DIAPH2: variants seen among roughly 807,000 people sequenced by gnomAD.
The protein encoded by DIAPH2 is protein diaphanous homolog 2.
Under a neutral mutation model 92.7 loss-of-function variants are expected in DIAPH2, and 35 were observed. The observed-to-expected ratio is 0.38, with a 90% CI of 0.29 to 0.50. The LOEUF (loss-of-function observed/expected upper bound fraction) is 0.50, where lower values mean the gene tolerates loss of function less well. Among genes scored for constraint, DIAPH2 ranks in the 20% least tolerant of loss-of-function variants. The pLI is 0.94. For missense variants in DIAPH2, 701 were observed against 819.5 expected (o/e 0.86, Z 1.77); for synonymous variants, 301 against 280.4 (o/e 1.07, Z -0.73).
chrX:97,341,746 AAGAG>A (rs905419383), intron 23 of DIAPH2, among the ~76,000 whole-genome samples: 3 of 111,015 alleles, frequency 2.7e-5, no homozygotes, highest in East Asian at 2.8e-4. Flanking sequence ...TCAGCTCCAG[AAGAG>A]AGAGAGAGCA....
chrX:97,300,926 C>T (rs1289414018), intron 23 of DIAPH2, among the ~76,000 whole-genome samples: 2 of 19,874 alleles, frequency 1.0e-4, no homozygotes, highest in African/African-American at 1.6e-4. Context: ...AGCAAGACTC[C>T]GTCTTAAAAA....
intron 23 of DIAPH2, among the ~76,000 whole-genome samples, chrX:97,276,334 T>A (rs751680960): frequency 4.1e-4 from 46 of 111,844 alleles, no homozygotes; most frequent in East Asian, 1.4e-3. Flanking sequence ...AACTTTTTTT[T>A]AATTTTTATT....
At chrX:97,171,708 C>T (rs970743435) in intron 22 of DIAPH2, among the ~76,000 whole-genome samples, 3 of 111,593 alleles carry the variant, frequency 2.7e-5, no homozygotes, top group Non-Finnish European at 5.6e-5. Context: ...TGGGAGGCCG[C>T]GACGGGCGGA....
intron 1 of DIAPH2, among the ~76,000 whole-genome samples, chrX:96,727,091 T>C (rs1200833161): frequency 8.9e-6 from 1 of 112,335 alleles, no homozygotes; most frequent in African/African-American, 3.2e-5. Context: ...ACTCTTTATT[T>C]ATCCTGTTTT....
In DIAPH2 at chrX:97,465,273, C is replaced by CCA. The variant is rs765899834; in HGVS notation, c.3241+35548_3241+35549dup. Among the ~76,000 whole-genome samples, 261 of 106,779 alleles carry CCA rather than the reference C, an allele frequency of 2.4e-3. 1 individual carries two copies. The highest frequency in any genetic ancestry group is 4.9e-3 in the Middle Eastern group (1 of 206). The allele number at this position is 106,779 out of a possible 115,157, so 92.7% of individuals were successfully genotyped here. On this transcript the variant is annotated intron_variant, in intron 26 of 26. Transcript: ENST00000324765. The stretch of plus-strand genomic sequence containing the variant: ...TATCCTGTCTTGCTTTAGAATTCAC[C>CCA]CACACACACACACACACACACGTTT...
At chrX:97,514,271 T>C (rs1429524204) in intron 26 of DIAPH2, among the ~76,000 whole-genome samples, 12 of 112,159 alleles carry the variant, frequency 1.1e-4, no homozygotes, top group Middle Eastern at 4.6e-3. Flanking sequence ...CATCTTCCAT[T>C]GCTGATACCC....
intron 1 of DIAPH2, among the ~76,000 whole-genome samples, chrX:96,720,333 A>G (rs1198807993): frequency 9.0e-6 from 1 of 111,274 alleles, no homozygotes; most frequent in African/African-American, 3.3e-5. Context: ...TCAGGCACAT[A>G]TTGTATTTTT....
At position 96,808,467 on chromosome X, in the gene DIAPH2, G is replaced by A. The variant is rs1306750583; in HGVS notation, c.447+50209G>A. Among the ~76,000 whole-genome samples the A allele has an allele frequency of 3.6e-5, 4 of 111,599 alleles. No individual in the cohort carries two copies. In the East Asian group the frequency reaches 1.1e-3, roughly 31 times the overall value. ...TATTTTGAATATATCTGCAAAGCTG[G>A]TTTAAATCTTGCTTAAAATTTTATG... On this transcript the variant is annotated intron_variant, in intron 4 of 26. Coordinates refer to ENST00000324765, the MANE Select transcript of DIAPH2 (RefSeq NM_006729.5).
chrX:96,862,850 A>C (rs756338225), intron 4 of DIAPH2, among the ~76,000 whole-genome samples: 47 of 111,477 alleles, frequency 4.2e-4, no homozygotes, highest in Non-Finnish European at 8.5e-4. Context: ...TGGACTGTAA[A>C]CTTTTAAGGC....
chrX:96,696,162 G>T (rs773726302), intron 1 of DIAPH2, among the ~76,000 whole-genome samples: 1 of 111,732 alleles, frequency 8.9e-6, no homozygotes, highest in African/African-American at 3.3e-5. Flanking sequence ...CAGGAGGATT[G>T]CTTGAGCCCA....
chrX:96,724,302 T>C (rs1458589632), intron 1 of DIAPH2, among the ~76,000 whole-genome samples: 1 of 111,895 alleles, frequency 8.9e-6, no homozygotes, highest in East Asian at 2.8e-4. Flanking sequence ...GTCAGCTTCA[T>C]AGTAACATTT....
chrX:97,093,190 A>G (rs2066838938), intron 19 of DIAPH2, among the ~76,000 whole-genome samples: 1 of 104,128 alleles, frequency 9.6e-6, no homozygotes, highest in African/African-American at 3.5e-5. Flanking sequence ...TGTGAAAAAA[A>G]GAAAAAGAAA....
chrX:96,717,148 T>G (rs2063954567), intron 1 of DIAPH2, among the ~76,000 whole-genome samples: 1 of 112,390 alleles, frequency 8.9e-6, no homozygotes, highest in Non-Finnish European at 1.9e-5. Flanking sequence ...GTAGAAATCT[T>G]TTGGTTTTGA....
At chrX:97,565,216 C>T (rs978229160) in intron 26 of DIAPH2, among the ~76,000 whole-genome samples, 1 of 111,687 alleles carries the variant, frequency 9.0e-6, no homozygotes, top group African/African-American at 3.3e-5. Context: ...TTATTAACTA[C>T]ATGATCTTAT....
intron 17 of DIAPH2, among the ~76,000 whole-genome samples, chrX:97,005,420 C>A (rs752029234): frequency 2.9e-4 from 32 of 109,362 alleles, no homozygotes; most frequent in Non-Finnish European, 5.1e-4. Context: ...AACCGTCTCT[C>A]GGATTTCTTT....
At chrX:97,088,195 C>T (rs1389179433) in intron 19 of DIAPH2, among the ~76,000 whole-genome samples, 2 of 111,937 alleles carry the variant, frequency 1.8e-5, no homozygotes, top group East Asian at 2.8e-4. Flanking sequence ...CTGTGCATTA[C>T]GTTACTTACA....
At chrX:96,695,791 A>G (rs1181658407) in intron 1 of DIAPH2, among the ~76,000 whole-genome samples, 1 of 111,637 alleles carries the variant, frequency 9.0e-6, no homozygotes, top group African/African-American at 3.3e-5. Flanking sequence ...TCAATGGTGT[A>G]TCCTATTGTC....
intron 22 of DIAPH2, among the ~76,000 whole-genome samples, chrX:97,193,299 C>A (rs1006504401): frequency 9.0e-5 from 10 of 111,558 alleles, no homozygotes; most frequent in Non-Finnish European, 1.3e-4. Flanking sequence ...CAGGCATAAG[C>A]CACCGTGCCC....
rs754925773 is a variant in DIAPH2, at chrX:97,324,976, T to A, written c.2845-23140T>A. 7.6e-4 allele frequency among the ~76,000 whole-genome samples: 85 copies of A among 111,439 alleles called. 1 individual carries two copies. The highest frequency in any genetic ancestry group is 2.5e-3 in the African/African-American group (77 of 30,703). On this transcript the variant is annotated intron_variant, in intron 23 of 26. Coordinates refer to ENST00000324765, the MANE Select transcript of DIAPH2 (RefSeq NM_006729.5). Reference sequence around the variant, plus strand: ...CACCACACCCAGCTAATTTTTGTATTTTTAGTAGAGACGGGGTTTTGCCAT... The same window carrying A: ...CACCACACCCAGCTAATTTTTGTATATTTAGTAGAGACGGGGTTTTGCCAT...
Sources: allele counts gnomAD v4.1 joint callset (sites outside exome capture counted in the v4.1 genomes callset), GRCh38; gene constraint gnomAD v4.1.1; transcripts MANE v1.5; gene names NCBI Gene and HGNC (gene_info 2026-07-23, HGNC 2026-07-21).